ANXA13: variants seen among roughly 807,000 people sequenced by gnomAD.
ANXA13 encodes the protein annexin A13.
Under a neutral mutation model 46.6 loss-of-function variants are expected in ANXA13, and 36 were observed. The observed-to-expected ratio is 0.77, with a 90% confidence interval of 0.59 to 1.02. The LOEUF (loss-of-function observed/expected upper bound fraction) is 1.02. Among genes scored for constraint, ANXA13 ranks in the 50% least tolerant of loss-of-function variants. ANXA13 has a pLI of 0.00. For synonymous variants in ANXA13, 163 were observed against 152.9 expected (o/e 1.07, Z -0.49); for missense variants, 417 against 396.5 (o/e 1.05, Z -0.44).
At chr8:123,709,913 C>T (rs1215526223) in intron 2 of ANXA13, among the ~76,000 whole-genome samples, 6 of 152,266 alleles carry the variant, frequency 3.9e-5, no homozygotes, top group African/African-American at 1.4e-4. Context: ...TGTGCACCAC[C>T]ACACCCGGCC....
At chr8:123,712,834 A>G (rs992271149) in intron 1 of ANXA13, 81 bp from the exon 2 acceptor site, 19 of 1,193,674 alleles carry the variant, frequency 1.6e-5, no homozygotes, top group African/African-American at 3.0e-5. Context: ...AGCAAACTGG[A>G]GGACCAAATA....
At chr8:123,692,363 G>GAACA (rs112024240) in intron 8 of ANXA13, among the ~76,000 whole-genome samples, 4 of 152,228 alleles carry the variant, frequency 2.6e-5, no homozygotes, top group African/African-American at 7.2e-5. Context: ...ATGAGACACA[G>GAACA]AACATAGAAG....
chr8:123,692,190 C>T (rs890165853), intron 8 of ANXA13, among the ~76,000 whole-genome samples: 11 of 152,246 alleles, frequency 7.2e-5, no homozygotes, highest in East Asian at 1.9e-4. Flanking sequence ...GAGCTCAGGC[C>T]GGGGAGTCTT....
chr8:123,692,316 G>T (rs534820475), intron 8 of ANXA13, among the ~76,000 whole-genome samples: 1 of 152,030 alleles, frequency 6.6e-6, no homozygotes, highest in South Asian at 2.1e-4. Flanking sequence ...ATAGTTGTTC[G>T]GCCTACATTA....
intron 2 of ANXA13, among the ~76,000 whole-genome samples, chr8:123,709,170 A>T (rs1420530353): frequency 6.6e-6 from 1 of 152,140 alleles, no homozygotes; most frequent in Non-Finnish European, 1.5e-5. Flanking sequence ...ATCCCAGCAC[A>T]TTGTTCCAAA....
In ANXA13 at chr8:123,680,916, T is replaced by C. The variant is rs1813022854; in HGVS notation, c.*324A>G. ...CTTACTTGTGTGATGCATATCCTTC[T>C]AAATGTGCCATTACAAATGCATAGT... On this transcript the variant is annotated 3_prime_UTR_variant, in exon 11 of 11. Transcript: ENST00000419625. 4.3e-6 allele frequency: 1 copy of C among 233,022 alleles called. No individual in the cohort carries two copies. Among genetic ancestry groups the C allele is most frequent in the South Asian group, 1.3e-4 (1 of 7,824 alleles). 14.4% of individuals were successfully genotyped at this position (233,022 alleles called of 1,614,324 possible).
At chr8:123,700,570 A>G (rs984778666) in intron 3 of ANXA13, among the ~76,000 whole-genome samples, 3 of 152,222 alleles carry the variant, frequency 2.0e-5, no homozygotes, top group Non-Finnish European at 2.9e-5. Flanking sequence ...TGGCAAATGA[A>G]GTATCACAAA....
rs762170078 is a variant in ANXA13 at position 123,714,977 on chromosome 8, C to A, written c.16-2224G>T. Among the ~76,000 whole-genome samples, 25 of 152,210 alleles carry A rather than the reference C, an allele frequency of 1.6e-4. 1 individual carries two copies. Among genetic ancestry groups the A allele is most frequent in the Non-Finnish European group, 5.9e-5 (4 of 68,024 alleles). On this transcript the variant is annotated intron_variant, in intron 1 of 10. Coordinates refer to ENST00000419625, the MANE Select transcript of ANXA13 (RefSeq NM_004306.4). ...CTCCTAAAGCCTGTGCTCTGTGCAG[C>A]GCACAATACTGCCTCACATTCTATA... is the stretch of plus-strand genomic sequence containing the variant.
At chr8:123,714,440 T>C (rs1025478857) in intron 1 of ANXA13, among the ~76,000 whole-genome samples, 1 of 152,178 alleles carries the variant, frequency 6.6e-6, no homozygotes, top group African/African-American at 2.4e-5. Context: ...TAGTGCCCAT[T>C]TTGTCCACTA....
chr8:123,685,823 G>A (rs1271081371), intron 9 of ANXA13, among the ~76,000 whole-genome samples: 1 of 152,178 alleles, frequency 6.6e-6, no homozygotes, highest in Non-Finnish European at 1.5e-5. Context: ...CAACCCAAAA[G>A]CTGCTGGATT....
rs547669233 is a variant in ANXA13 at position 123,727,113 on chromosome 8, G to A, written c.15+10207C>T. ...AAATAGGGTTCAGTGTATACTGCTC[G>A]GGTGATGGGTGCACCAAAATCTCAC... On this transcript the variant is annotated intron_variant, in intron 1 of 10. Coordinates refer to ENST00000419625, the MANE Select transcript of ANXA13 (RefSeq NM_004306.4). Among the ~76,000 whole-genome samples the A allele has an allele frequency of 7.9e-5, 12 of 152,244 alleles. No homozygotes were observed. In the South Asian group the frequency reaches 1.0e-3, roughly 13 times the overall value.
chr8:123,683,848 A>G (rs1239057434), intron 10 of ANXA13, among the ~76,000 whole-genome samples: 2 of 152,044 alleles, frequency 1.3e-5, no homozygotes, highest in African/African-American at 4.8e-5. Flanking sequence ...CGGCCTCCCA[A>G]AGTGCTGGGA....
At chr8:123,707,389 A>C (rs1401103816) in intron 2 of ANXA13, among the ~76,000 whole-genome samples, 2 of 152,232 alleles carry the variant, frequency 1.3e-5, no homozygotes, top group Non-Finnish European at 2.9e-5. Flanking sequence ...TATTGAAAAT[A>C]ATAGTGATCT....
In ANXA13 at chr8:123,681,089, C is replaced by A; in HGVS notation, c.*151G>T. Reference sequence around the variant, plus strand: ...TTAACGTTACTGCCCTTAACTTACACAGCTTGGCCTGGCTGCGCCACTTAA... The same window carrying A: ...TTAACGTTACTGCCCTTAACTTACAAAGCTTGGCCTGGCTGCGCCACTTAA... On this transcript the variant is annotated 3_prime_UTR_variant, in exon 11 of 11. Transcript: ENST00000419625. 1 of 1,112,810 alleles carries A rather than the reference C, an allele frequency of 9.0e-7. No individual in the cohort carries two copies. 68.9% of individuals were successfully genotyped at this position (1,112,810 alleles called of 1,614,324 possible). A position where few individuals can be genotyped will look rare whatever the true frequency, so the allele number is the denominator to read the frequency against.
intron 3 of ANXA13, among the ~76,000 whole-genome samples, chr8:123,700,745 ATTCTTTTG>A (rs911925346): frequency 7.1e-6 from 1 of 141,836 alleles, no homozygotes; most frequent in African/African-American, 2.6e-5. Flanking sequence ...TCTCTCTTTC[ATTCTTTTG>A]TTCTTTCTTT....
chr8:123,692,449 C>A (rs1256325502), intron 8 of ANXA13, among the ~76,000 whole-genome samples: 1 of 152,160 alleles, frequency 6.6e-6, no homozygotes, highest in Non-Finnish European at 1.5e-5. Context: ...CCACTCCAGG[C>A]GTTTTGCAAG....
chr8:123,735,987 G>T, intron 1 of ANXA13: 1 of 1,210,976 alleles, frequency 8.3e-7, no homozygotes, highest in Non-Finnish European at 1.1e-6. Context: ...GTGAATGCAG[G>T]GTCCATTGAT....
At chr8:123,726,410 T>A (rs571806047) in intron 1 of ANXA13, among the ~76,000 whole-genome samples, 2 of 152,352 alleles carry the variant, frequency 1.3e-5, no homozygotes, top group Non-Finnish European at 2.9e-5. Flanking sequence ...CCATTGTACC[T>A]GAAGGTACTG....
At chr8:123,710,467 A>G (rs958381585) in intron 2 of ANXA13, among the ~76,000 whole-genome samples, 1 of 152,238 alleles carries the variant, frequency 6.6e-6, no homozygotes, top group Non-Finnish European at 1.5e-5. Context: ...TCTGAACTGC[A>G]TGCTGCAAAA....
Sources: allele counts gnomAD v4.1 joint callset (sites outside exome capture counted in the v4.1 genomes callset), GRCh38; gene constraint gnomAD v4.1.1; transcripts MANE v1.5; gene names NCBI Gene and HGNC (gene_info 2026-07-23, HGNC 2026-07-21).